The following PPP6C variants were observed in gnomAD, a reference collection of about 807,000 sequenced individuals.
The protein encoded by PPP6C is serine/threonine-protein phosphatase 6 catalytic subunit.
In PPP6C, 11 loss-of-function variants were observed where a neutral mutation model predicts 39.8. That is an observed-to-expected ratio of 0.28 (90% CI 0.17 to 0.46). The LOEUF is 0.46. PPP6C is among the 20% of genes least tolerant of loss of function. PPP6C has a pLI of 1.00. For missense variants in PPP6C, 211 were observed against 373.9 expected, an observed-to-expected ratio of 0.56 and a Z score of 3.59; for synonymous variants, 129 against 130.3, an observed-to-expected ratio of 0.99 and a Z score of 0.07.
chr9:125,174,811 T>C (rs531488123), intron 1 of PPP6C, among the ~76,000 whole-genome samples: 7 of 151,740 alleles, frequency 4.6e-5, no homozygotes, highest in East Asian at 3.9e-4. Context: ...ACTTGGGAGG[T>C]TGAGACAGGA....
chr9:125,158,128 G>A, intron 4 of PPP6C, 113 bp downstream of exon 4: 1 of 1,081,572 alleles, frequency 9.2e-7, no homozygotes, highest in Non-Finnish European at 1.3e-6. Flanking sequence ...GAGTGAAGGA[G>A]TGAGGATGTG....
intron 6 of PPP6C, chr9:125,150,550 G>A (rs1432926018): frequency 2.1e-5 from 11 of 531,198 alleles, no homozygotes; most frequent in Admixed American, 1.8e-4. Context: ...GAGTAGCATC[G>A]CAAAGAGATT....
chr9:125,152,992 GC>G, intron 6 of PPP6C, among the ~76,000 whole-genome samples: 1 of 152,108 alleles, frequency 6.6e-6, no homozygotes. Context: ...AAAGGGGCTG[GC>G]CGGGTGCGGT....
intron 6 of PPP6C, chr9:125,150,552 A>G: frequency 1.8e-6 from 1 of 540,934 alleles, no homozygotes. Flanking sequence ...GTAGCATCGC[A>G]AAGAGATTAG....
intron 1 of PPP6C, among the ~76,000 whole-genome samples, chr9:125,186,825 C>T (rs986178802): frequency 1.3e-5 from 2 of 151,108 alleles, no homozygotes; most frequent in African/African-American, 2.4e-5. Flanking sequence ...TACAATGCAG[C>T]TATGTTTCAA....
chr9:125,172,082 C>CG (rs532042465), intron 1 of PPP6C: 1 of 367,038 alleles, frequency 2.7e-6, no homozygotes, highest in South Asian at 2.0e-5. Context: ...TACTACTCAG[C>CG]AATAAAAAGA....
At chr9:125,160,153 A>G (rs1828826218) in intron 3 of PPP6C, among the ~76,000 whole-genome samples, 1 of 152,248 alleles carries the variant, frequency 6.6e-6, no homozygotes, top group Admixed American at 6.6e-5. Flanking sequence ...GTATGTGTGT[A>G]TATTAATCCA....
chr9:125,172,317 T>G (rs1392918976), intron 1 of PPP6C, among the ~76,000 whole-genome samples: 1 of 152,078 alleles, frequency 6.6e-6, no homozygotes, highest in Non-Finnish European at 1.5e-5. Context: ...CCAGTTCAAG[T>G]GATTCCCTTG....
chr9:125,167,577 C>T (rs1829050090), intron 2 of PPP6C, among the ~76,000 whole-genome samples: 2 of 151,728 alleles, frequency 1.3e-5, no homozygotes, highest in South Asian at 4.2e-4. Context: ...GTGGCACATG[C>T]CTGTAATCTC....
At chr9:125,171,308 C>T (rs1829142084) in intron 1 of PPP6C, 128 bp from the exon 2 acceptor site, 1 of 632,782 alleles carries the variant, frequency 1.6e-6, no homozygotes, top group East Asian at 3.3e-5. Context: ...AGGAAAGTAC[C>T]CTGTGATAAT....
chr9:125,151,485 A>AAAATATGAAGCACCG (rs1564145103), intron 6 of PPP6C: 2 of 790,090 alleles, frequency 2.5e-6, no homozygotes, highest in African/African-American at 3.4e-5. Flanking sequence ...ATGAAGCACC[A>AAAATATGAAGCACCG]TTCCAAAATA....
intron 2 of PPP6C, among the ~76,000 whole-genome samples, chr9:125,170,676 A>C (rs1234074234): frequency 6.6e-6 from 1 of 152,160 alleles, no homozygotes; most frequent in Non-Finnish European, 1.5e-5. Flanking sequence ...ATTCCCACTA[A>C]AGAAATGATA....
Position 125,189,750 on chromosome 9 carries a change from G to T in PPP6C, c.-32C>A. The T allele has an allele frequency of 1.9e-6, 3 of 1,560,034 alleles. No individual in the cohort carries two copies. Among genetic ancestry groups the T allele is most frequent in the Non-Finnish European group, 2.6e-6 (3 of 1,156,950 alleles). ...AATAACAAGCCGCGGCAACAGCGGC[G>T]GCGGCGGCTGTAGCAGCGGCGGCGG... On this transcript the variant is annotated 5_prime_UTR_variant, in exon 1 of 7. Transcript: ENST00000373547.
intron 2 of PPP6C, among the ~76,000 whole-genome samples, chr9:125,165,823 A>C (rs1043651275): frequency 9.0e-6 from 1 of 111,050 alleles, no homozygotes; most frequent in Non-Finnish European, 1.8e-5. Context: ...TGGAGACAGG[A>C]TCTCTCCCTG....
Position 125,149,434 on chromosome 9 carries a change from T to C in PPP6C, c.*239A>G, listed in dbSNP as rs1405383344. 1 of 436,520 alleles carries C rather than the reference T, an allele frequency of 2.3e-6. No homozygotes were observed. The highest frequency in any genetic ancestry group is 3.9e-5 in the Admixed American group (1 of 25,456). 27.0% of individuals were successfully genotyped at this position (436,520 alleles called of 1,614,324 possible). On this transcript the variant is annotated 3_prime_UTR_variant, in exon 7 of 7. Coordinates refer to ENST00000373547, the MANE Select transcript of PPP6C (RefSeq NM_002721.5). The stretch of plus-strand genomic sequence containing the variant: ...AGCAGTGTGAGTATTAAGACATTTC[T>C]CAAGTCTTCTCAAATGAGTCCAGGG...
chr9:125,172,643 C>T (rs1331111637), intron 1 of PPP6C, among the ~76,000 whole-genome samples: 2 of 151,814 alleles, frequency 1.3e-5, no homozygotes, highest in Non-Finnish European at 2.9e-5. Context: ...TGATGATGGA[C>T]CTGTTCTGTA....
intron 4 of PPP6C, among the ~76,000 whole-genome samples, chr9:125,157,141 G>C (rs1400241757): frequency 1.2e-5 from 1 of 86,228 alleles, no homozygotes; most frequent in Non-Finnish European, 2.3e-5. Flanking sequence ...CCCCCTACCA[G>C]TGCCCGGCTA....
At chr9:125,176,540 C>T (rs535830279) in intron 1 of PPP6C, among the ~76,000 whole-genome samples, 35 of 152,206 alleles carry the variant, frequency 2.3e-4, no homozygotes, top group African/African-American at 6.5e-4. Context: ...GCCTGAAGTC[C>T]CAGATACTTG....
intron 1 of PPP6C, among the ~76,000 whole-genome samples, chr9:125,182,486 C>G (rs1427232758): frequency 6.6e-6 from 1 of 151,994 alleles, no homozygotes; most frequent in Non-Finnish European, 1.5e-5. Context: ...AACTAGCTAG[C>G]TAAGTAACTA....
Sources: gnomAD v4.1 joint callset for allele counts (sites outside exome capture counted in the v4.1 genomes callset) on GRCh38, gnomAD v4.1.1 for gene constraint, MANE v1.5 for transcripts, NCBI Gene and HGNC (gene_info 2026-07-23, HGNC 2026-07-21) for gene names.